The following FNDC3A variants were observed in gnomAD, a reference collection of about 807,000 sequenced individuals.
The protein encoded by FNDC3A is fibronectin type III domain containing 3A.
In FNDC3A, 32 loss-of-function variants were observed where a neutral mutation model predicts 148.9. The observed-to-expected ratio is 0.21, with a 90% CI of 0.16 to 0.29. FNDC3A has a LOEUF of 0.29. Among genes scored for constraint, FNDC3A ranks in the 10% least tolerant of loss-of-function variants. FNDC3A has a pLI of 1.00. For synonymous variants in FNDC3A, 472 were observed against 473.6 expected, an observed-to-expected ratio of 1.00 and a Z score of 0.04; for missense variants, 1,191 against 1,452.8, an observed-to-expected ratio of 0.82 and a Z score of 2.93.
chr13:49,059,151 C>T lies in FNDC3A; in HGVS notation c.100-16138C>T, dbSNP rs145916342. Among the ~76,000 whole-genome samples the T allele has an allele frequency of 3.5e-4, 54 of 152,336 alleles. No individual in the cohort carries two copies. In the East Asian group the frequency reaches 9.4e-3, roughly 27 times the overall value. ...TCAAGAAATGATGATGCTAGGACAA[C>T]TGGATATCCGCATGCAAAACAATGA... is the stretch of plus-strand genomic sequence containing the variant. On this transcript the variant is annotated intron_variant, in intron 2 of 25. Transcript: ENST00000492622.
intron 2 of FNDC3A, among the ~76,000 whole-genome samples, chr13:49,052,582 G>A (rs1875920391): frequency 1.3e-5 from 2 of 152,172 alleles, no homozygotes; most frequent in Admixed American, 1.3e-4. Context: ...AGGTAACAGG[G>A]GAGTAAAGTG....
chr13:49,078,377 C>T (rs1377488704), intron 3 of FNDC3A, among the ~76,000 whole-genome samples: 1 of 152,080 alleles, frequency 6.6e-6, no homozygotes, highest in Non-Finnish European at 1.5e-5. Flanking sequence ...GAACTAACTA[C>T]CATGAGAAGA....
chr13:49,065,887 C>A (rs1215141024), intron 2 of FNDC3A, among the ~76,000 whole-genome samples: 1 of 151,966 alleles, frequency 6.6e-6, no homozygotes, highest in East Asian at 1.9e-4. Context: ...ATAAGAAATA[C>A]TAAAATTAGA....
At chr13:49,203,031 GA>G (rs895530174) in intron 24 of FNDC3A, 125 bp from the exon 25 acceptor site, 2 of 674,310 alleles carry the variant, frequency 3.0e-6, no homozygotes, top group African/African-American at 3.7e-5. Flanking sequence ...AAAATTCACT[GA>G]TACTTATTTC....
At chr13:48,977,051 A>C (rs1951617424) in intron 1 of FNDC3A, 1 of 152,238 alleles carries the variant, frequency 6.6e-6, no homozygotes, top group Admixed American at 6.5e-5. Flanking sequence ...TAGAGGGTGG[A>C]ATGCGATGAT....
At position 49,174,574 on chromosome 13, in the gene FNDC3A, A is replaced by G. The variant is rs927590269; in HGVS notation, c.1355+15A>G. On this transcript the variant is annotated intron_variant, in intron 12 of 25. Transcript: ENST00000492622. The stretch of plus-strand genomic sequence containing the variant: ...TATGGTACAAGGTAAGGTGTACTTT[A>G]TAAAAGAATGTAAATATTTTTAGAT... 1.3e-6 allele frequency: 2 copies of G among 1,586,492 alleles called. No homozygotes were observed. The highest frequency in any genetic ancestry group is 1.7e-6 in the Non-Finnish European group (2 of 1,165,478).
intron 3 of FNDC3A, among the ~76,000 whole-genome samples, chr13:49,109,346 A>C (rs1398199924): frequency 6.6e-6 from 1 of 152,226 alleles, no homozygotes; most frequent in African/African-American, 2.4e-5. Context: ...GAAATAAGCT[A>C]AGACTTCAGA....
At chr13:49,161,660 G>T (rs543449917) in intron 8 of FNDC3A, among the ~76,000 whole-genome samples, 1 of 152,088 alleles carries the variant, frequency 6.6e-6, no homozygotes, top group African/African-American at 2.4e-5. Flanking sequence ...GATGTTAGCC[G>T]GTTATTTTGC....
At chr13:49,176,256 G>T (rs949552690) in intron 13 of FNDC3A, among the ~76,000 whole-genome samples, 1 of 152,192 alleles carries the variant, frequency 6.6e-6, no homozygotes, top group Non-Finnish European at 1.5e-5. Flanking sequence ...AATAGTTTCA[G>T]AAGGAATGGT....
At chr13:49,070,881 C>CTTTTTTTTTTTTTT (rs758290861) in intron 2 of FNDC3A, among the ~76,000 whole-genome samples, 42 of 120,934 alleles carry the variant, frequency 3.5e-4, no homozygotes, top group Non-Finnish European at 3.9e-4. Context: ...AACAGGATTT[C>CTTTTTTTTTTTTTT]TTTTTTTTTT....
intron 1 of FNDC3A, chr13:48,976,977 T>C (rs1224342052): frequency 3.9e-5 from 6 of 152,260 alleles, no homozygotes; most frequent in African/African-American, 1.4e-4. Context: ...GGGACTGTTT[T>C]AATGGATGTG....
At chr13:49,025,817 A>T (rs1221557910) in intron 2 of FNDC3A, among the ~76,000 whole-genome samples, 1 of 152,226 alleles carries the variant, frequency 6.6e-6, no homozygotes, top group East Asian at 1.9e-4. Flanking sequence ...GTGGAGCAAT[A>T]GGATCCATCA....
chr13:48,978,292 C>G (rs184519536), intron 1 of FNDC3A, among the ~76,000 whole-genome samples: 1 of 152,222 alleles, frequency 6.6e-6, no homozygotes, highest in African/African-American at 2.4e-5. Context: ...GCTGAGACAT[C>G]CTTAACCCCC....
At chr13:49,051,126 G>A (rs527423915) in intron 2 of FNDC3A, among the ~76,000 whole-genome samples, 1 of 152,262 alleles carries the variant, frequency 6.6e-6, no homozygotes, top group East Asian at 1.9e-4. Flanking sequence ...TTTAAGTGGA[G>A]CACTTAGGCC....
chr13:49,172,032 G>A lies in FNDC3A; in HGVS notation c.1177-11G>A, dbSNP rs1555301859. 2.5e-6 allele frequency: 4 copies of A among 1,595,298 alleles called. No individual in the cohort carries two copies. Among genetic ancestry groups the A allele is most frequent in the Non-Finnish European group, 1.7e-6 (2 of 1,168,068 alleles). ...ATTTGTTTTCATTTTGTTTTTTGGT[G>A]TTGGTTTTAGGCACCTAGTGACAAT... On this transcript the variant is annotated splice_polypyrimidine_tract_variant and intron_variant, in intron 10 of 25. Transcript: ENST00000492622.
At chr13:49,037,859 C>T (rs1386693926) in intron 2 of FNDC3A, among the ~76,000 whole-genome samples, 1 of 152,202 alleles carries the variant, frequency 6.6e-6, no homozygotes, top group Non-Finnish European at 1.5e-5. Flanking sequence ...ACTCCCAAAG[C>T]CCAAGTGGGC....
At chr13:49,167,000 A>G (rs1386430881) in intron 8 of FNDC3A, among the ~76,000 whole-genome samples, 1 of 150,648 alleles carries the variant, frequency 6.6e-6, no homozygotes, top group Non-Finnish European at 1.5e-5. Flanking sequence ...CAAAAAAAAG[A>G]GTCTGGCTTA....
At chr13:49,161,105 G>T (rs1884079969) in intron 8 of FNDC3A, among the ~76,000 whole-genome samples, 1 of 152,160 alleles carries the variant, frequency 6.6e-6, no homozygotes, top group South Asian at 2.1e-4. Flanking sequence ...TATTGATTTG[G>T]GGTGGAGAGT....
intron 2 of FNDC3A, among the ~76,000 whole-genome samples, chr13:49,019,573 C>T (rs893216899): frequency 5.3e-5 from 8 of 152,252 alleles, no homozygotes; most frequent in African/African-American, 1.9e-4. Flanking sequence ...CTGCGTCGCT[C>T]TCTCTGGGAG....
Sources: gnomAD v4.1 joint callset for allele counts (sites outside exome capture counted in the v4.1 genomes callset) on GRCh38, gnomAD v4.1.1 for gene constraint, MANE v1.5 for transcripts, NCBI Gene and HGNC (gene_info 2026-07-23, HGNC 2026-07-21) for gene names.